MGAT4C: variants seen among roughly 807,000 people sequenced by gnomAD.
MGAT4C encodes the protein alpha-1,3-mannosyl-glycoprotein 4-beta-N-acetylglucosaminyltransferase C.
Under a neutral mutation model 40.1 loss-of-function variants are expected in MGAT4C, and 19 were observed. The ratio of observed to expected loss-of-function variants is 0.47; its 90% CI spans 0.33 to 0.70. The LOEUF (loss-of-function observed/expected upper bound fraction) is 0.70. MGAT4C is among the 30% of genes least tolerant of loss of function. The pLI is 0.02. For synonymous variants in MGAT4C, 181 were observed against 187.1 expected (o/e 0.97, Z 0.27); for missense variants, 491 against 563.2 (o/e 0.87, Z 1.30).
At chr12:86,394,616 TTATATATA>T (rs71076194) in intron 3 of MGAT4C, among the ~76,000 whole-genome samples, 1 of 135,472 alleles carries the variant, frequency 7.4e-6, no homozygotes, top group African/African-American at 2.7e-5. Flanking sequence ...TATATATACT[TTATATATA>T]TATATATATA....
rs112330149 is a variant in MGAT4C, at chr12:86,837,899, G to A, written c.-262+767C>T. 2.9e-3 allele frequency among the ~76,000 whole-genome samples: 439 copies of A among 152,130 alleles called. 2 individuals are homozygous for A. The highest frequency in any genetic ancestry group is 8.8e-3 in the African/African-American group (366 of 41,512). ...GTATAATGGGATAAATTTCAGTTTC[G>A]AATAAGGCTTTCTCCCATTTTATCG... is the stretch of plus-strand genomic sequence containing the variant. On this transcript the variant is annotated intron_variant, in intron 1 of 7. Transcript: ENST00000548651.
intron 1 of MGAT4C, among the ~76,000 whole-genome samples, chr12:86,796,453 T>C (rs976920724): frequency 1.3e-5 from 2 of 151,972 alleles, no homozygotes; most frequent in African/African-American, 4.8e-5. Context: ...TTAAGTGAAA[T>C]AAGCCAGAAA....
In MGAT4C at chr12:86,656,947, T is replaced by A. The variant is rs143530054; in HGVS notation, c.-229+70262A>T. ...TTGAAATATGTTCAAACATTTTGAT[T>A]CTAACAATTTTGAAAGCCCATAATA... On this transcript the variant is annotated intron_variant, in intron 2 of 7. Transcript: ENST00000548651. Among the ~76,000 whole-genome samples the A allele has an allele frequency of 3.0e-3, 461 of 152,192 alleles. 2 individuals carry two copies. Among genetic ancestry groups the A allele is most frequent in the African/African-American group, 0.011 (440 of 41,558 alleles).
intron 2 of MGAT4C, among the ~76,000 whole-genome samples, chr12:86,706,922 T>C (rs1382835221): frequency 6.6e-6 from 1 of 152,164 alleles, no homozygotes; most frequent in African/African-American, 2.4e-5. Flanking sequence ...TGATAGTGAA[T>C]AAGTCTCATG....
intron 2 of MGAT4C, among the ~76,000 whole-genome samples, chr12:86,462,009 T>C (rs1957609264): frequency 6.6e-6 from 1 of 152,224 alleles, no homozygotes; most frequent in African/African-American, 2.4e-5. Context: ...ATCATTTATA[T>C]ATTACATTTT....
At chr12:86,649,026 C>T (rs2136532271) in intron 2 of MGAT4C, among the ~76,000 whole-genome samples, 1 of 151,770 alleles carries the variant, frequency 6.6e-6, no homozygotes, top group South Asian at 2.1e-4. Flanking sequence ...ATATAGTAAG[C>T]CCTGCTATAT....
At position 86,669,964 on chromosome 12, in the gene MGAT4C, T is replaced by C. The variant is rs1223348607; in HGVS notation, c.-229+57245A>G. ...AGCCAGAAAGCCCTGCCCAGCATTA[T>C]CTAGGGTGACAACCCCTAAGGAGGG... On this transcript the variant is annotated intron_variant, in intron 2 of 7. Coordinates refer to the MGAT4C transcript ENST00000548651. 2.6e-5 allele frequency among the ~76,000 whole-genome samples: 4 copies of C among 151,120 alleles called. No individual in the cohort carries two copies. In the East Asian group the frequency reaches 7.8e-4, roughly 30 times the overall value.
chr12:86,445,813 A>C (rs947370194), intron 2 of MGAT4C, among the ~76,000 whole-genome samples: 10 of 152,306 alleles, frequency 6.6e-5, no homozygotes, highest in Admixed American at 1.3e-4. Flanking sequence ...AATTTTATTT[A>C]TATAGGCTGC....
chr12:86,196,528 C>CCG (rs1566127224), intron 1 of MGAT4C, among the ~76,000 whole-genome samples: 7 of 152,186 alleles, frequency 4.6e-5, no homozygotes, highest in Non-Finnish European at 8.8e-5. Context: ...GGAGTAGCAA[C>CCG]TGTGCTGCTC....
chr12:86,616,656 T>A (rs529915276), intron 2 of MGAT4C, among the ~76,000 whole-genome samples: 1 of 152,206 alleles, frequency 6.6e-6, no homozygotes, highest in East Asian at 1.9e-4. Flanking sequence ...TTCTGTATGC[T>A]GTATGCTGTT....
intron 1 of MGAT4C, among the ~76,000 whole-genome samples, chr12:86,206,508 G>A (rs1051147309): frequency 2.0e-5 from 3 of 152,008 alleles, no homozygotes; most frequent in East Asian, 1.9e-4. Flanking sequence ...TAGGATAGAC[G>A]GTATTTCAGT....
intron 4 of MGAT4C, among the ~76,000 whole-genome samples, chr12:86,295,080 T>C (rs1953627929): frequency 1.3e-5 from 2 of 152,218 alleles, no homozygotes; most frequent in African/African-American, 4.8e-5. Context: ...CCTATAATAA[T>C]AATGCCTTTG....
chr12:86,279,701 T>C (rs1953166603), intron 4 of MGAT4C, among the ~76,000 whole-genome samples: 2 of 151,742 alleles, frequency 1.3e-5, no homozygotes. Flanking sequence ...TTGCTCTTGA[T>C]TTCTTATTCT....
At position 86,654,780 on chromosome 12, in the gene MGAT4C, GCTT is replaced by G. The variant is rs1012391210; in HGVS notation, c.-229+72426_-229+72428del. Among the ~76,000 whole-genome samples, 54 of 149,632 alleles carry G rather than the reference GCTT, an allele frequency of 3.6e-4. 1 individual carries two copies. The highest frequency in any genetic ancestry group is 1.3e-3 in the African/African-American group (52 of 40,694). ...AACTCTTTGAATTTTTCTCTGGGAC[GCTT>G]ATTAAAGAAACTGCATCATATTGCT... On this transcript the variant is annotated intron_variant, in intron 2 of 7. Transcript: ENST00000548651.
intron 4 of MGAT4C, among the ~76,000 whole-genome samples, chr12:86,326,822 T>C (rs1592700746): frequency 6.6e-6 from 1 of 152,226 alleles, no homozygotes; most frequent in East Asian, 1.9e-4. Context: ...GCAAAATATT[T>C]TAACTAAAAA....
chr12:86,505,074 C>T (rs993566639), intron 2 of MGAT4C, among the ~76,000 whole-genome samples: 12 of 152,134 alleles, frequency 7.9e-5, no homozygotes, highest in Non-Finnish European at 1.8e-4. Context: ...ACTGTGGTTC[C>T]TCACTATGGG....
chr12:86,751,898 A>C (rs529351847), intron 1 of MGAT4C, among the ~76,000 whole-genome samples: 1 of 152,178 alleles, frequency 6.6e-6, no homozygotes, highest in Non-Finnish European at 1.5e-5. Context: ...ATAAAATCTC[A>C]AAAGTTTTGT....
chr12:86,436,445 CA>C (rs1278358336), intron 2 of MGAT4C, among the ~76,000 whole-genome samples: 1 of 151,610 alleles, frequency 6.6e-6, no homozygotes, highest in Non-Finnish European at 1.5e-5. Flanking sequence ...AGAAGACCTA[CA>C]TACTGTTTTT....
At chr12:86,784,133 T>C (rs1006070037) in intron 1 of MGAT4C, among the ~76,000 whole-genome samples, 1 of 152,122 alleles carries the variant, frequency 6.6e-6, no homozygotes, top group African/African-American at 2.4e-5. Context: ...AGTATATTCA[T>C]TGCAATTAAA....
Sources: gnomAD v4.1 joint callset for allele counts (sites outside exome capture counted in the v4.1 genomes callset) on GRCh38, gnomAD v4.1.1 for gene constraint, MANE v1.5 for transcripts, NCBI Gene and HGNC (gene_info 2026-07-23, HGNC 2026-07-21) for gene names.